The following GRID2 variants were observed in gnomAD, a reference collection of about 807,000 sequenced individuals.
GRID2 encodes glutamate receptor ionotropic, delta-2.
A neutral mutation model predicts 114.8 loss-of-function variants in GRID2; 33 were observed. That is an observed-to-expected ratio of 0.29 (90% CI 0.22 to 0.38). The LOEUF (loss-of-function observed/expected upper bound fraction) is 0.38. Ranked by LOEUF, GRID2 falls within the 10% of genes least tolerant of loss-of-function variation. The pLI, the probability that GRID2 is intolerant of heterozygous loss-of-function variation, is 1.00. For missense variants in GRID2, 1,184 were observed against 1,257.7 expected (o/e 0.94, Z 0.89); for synonymous variants, 505 against 449.9 (o/e 1.12, Z -1.55).
At chr4:92,444,259 T>A (rs1733310223) in intron 1 of GRID2, among the ~76,000 whole-genome samples, 1 of 152,170 alleles carries the variant, frequency 6.6e-6, no homozygotes, top group Non-Finnish European at 1.5e-5. Context: ...GCGACACATC[T>A]GCTTATTTCA....
chr4:93,527,437 C>T (rs534317455), intron 13 of GRID2, among the ~76,000 whole-genome samples: 21 of 152,012 alleles, frequency 1.4e-4, no homozygotes, highest in African/African-American at 5.1e-4. Flanking sequence ...AGTATAAAAC[C>T]ATGCTTATGT....
At chr4:93,587,209 T>G (rs1737631128) in intron 13 of GRID2, among the ~76,000 whole-genome samples, 1 of 152,154 alleles carries the variant, frequency 6.6e-6, no homozygotes, top group Non-Finnish European at 1.5e-5. Flanking sequence ...TAACTATATT[T>G]AAAATTGTAT....
chr4:93,184,841 C>T (rs1740251962), intron 4 of GRID2, among the ~76,000 whole-genome samples: 1 of 152,078 alleles, frequency 6.6e-6, no homozygotes, highest in Non-Finnish European at 1.5e-5. Context: ...AAGATTGCAC[C>T]TCTGCACTCC....
chr4:93,620,413 C>G (rs1029733896), intron 13 of GRID2, among the ~76,000 whole-genome samples: 3 of 152,112 alleles, frequency 2.0e-5, no homozygotes, highest in Non-Finnish European at 1.5e-5. Flanking sequence ...CCTCCCGATT[C>G]AAATCAAAAT....
At chr4:92,672,608 A>G (rs114936499) in intron 2 of GRID2, among the ~76,000 whole-genome samples, 2,234 of 152,180 alleles carry the variant, frequency 0.015, 50 homozygotes, top group African/African-American at 0.051. Context: ...TATTTAATGT[A>G]CTTATTGGCA....
chr4:92,905,921 A>C (rs2149485507), intron 2 of GRID2, among the ~76,000 whole-genome samples: 1 of 152,286 alleles, frequency 6.6e-6, no homozygotes, highest in East Asian at 1.9e-4. Context: ...TTCGCTCTAT[A>C]ATTAAGTCTT....
At chr4:92,773,638 T>G (rs1291023252) in intron 2 of GRID2, among the ~76,000 whole-genome samples, 1 of 151,988 alleles carries the variant, frequency 6.6e-6, no homozygotes, top group African/African-American at 2.4e-5. Context: ...AAAAAATAGT[T>G]AATACCATAA....
chr4:93,771,075 A>G (rs928800294), intron 15 of GRID2, among the ~76,000 whole-genome samples: 7 of 152,172 alleles, frequency 4.6e-5, no homozygotes, highest in African/African-American at 1.7e-4. Flanking sequence ...ATGAAAAAAT[A>G]TTTTCTCCTC....
chr4:93,710,499 C>A (rs904425245), intron 14 of GRID2, among the ~76,000 whole-genome samples: 3 of 152,166 alleles, frequency 2.0e-5, no homozygotes, highest in Admixed American at 2.0e-4. Context: ...GCTGTAGCCA[C>A]CATCACTGGG....
intron 2 of GRID2, among the ~76,000 whole-genome samples, chr4:93,003,608 T>C (rs1721220240): frequency 6.6e-6 from 1 of 151,976 alleles, no homozygotes; most frequent in South Asian, 2.1e-4. Context: ...TCTTCAATCC[T>C]AGTTTATGGA....
Position 92,420,112 on chromosome 4 carries a change from A to G in GRID2, c.88+115368A>G, listed in dbSNP as rs539748272. Among the ~76,000 whole-genome samples, 378 of 152,216 alleles carry G rather than the reference A, an allele frequency of 2.5e-3. 1 individual carries two copies. The highest frequency in any genetic ancestry group is 4.3e-3 in the Non-Finnish European group (292 of 67,970). On this transcript the variant is annotated intron_variant, in intron 1 of 15. Transcript: ENST00000282020. ...TCTTTTAAAAAATTGGTTTCACAAAATGTATCACTGGAAAATTTATTTCCC... is the reference window on the plus strand; with the variant it reads ...TCTTTTAAAAAATTGGTTTCACAAAGTGTATCACTGGAAAATTTATTTCCC...
At chr4:92,645,941 G>A (rs1196381359) in intron 2 of GRID2, among the ~76,000 whole-genome samples, 2 of 151,720 alleles carry the variant, frequency 1.3e-5, no homozygotes, top group Non-Finnish European at 2.9e-5. Context: ...GTCATCTTAT[G>A]TGAAAAACGC....
chr4:92,972,861 G>A (rs1753616162), intron 2 of GRID2, among the ~76,000 whole-genome samples: 1 of 151,986 alleles, frequency 6.6e-6, no homozygotes, highest in African/African-American at 2.4e-5. Flanking sequence ...TGCAATATTT[G>A]GTTTTGCTGT....
At chr4:93,307,477 A>G (rs1039238138) in intron 8 of GRID2, among the ~76,000 whole-genome samples, 4 of 151,464 alleles carry the variant, frequency 2.6e-5, no homozygotes, top group African/African-American at 9.7e-5. Context: ...AGCTTTGTTT[A>G]TTTTTAAATT....
chr4:92,829,718 G>A (rs1741969350), intron 2 of GRID2, among the ~76,000 whole-genome samples: 1 of 152,116 alleles, frequency 6.6e-6, no homozygotes, highest in Non-Finnish European at 1.5e-5. Flanking sequence ...CAAAGAAAAT[G>A]TGGCACATAT....
At chr4:93,687,554 G>T (rs912219294) in intron 14 of GRID2, among the ~76,000 whole-genome samples, 4 of 151,842 alleles carry the variant, frequency 2.6e-5, no homozygotes, top group Non-Finnish European at 5.9e-5. Flanking sequence ...GGAAAACAGT[G>T]GTATAGCACC....
chr4:92,313,594 C>G (rs1725821215), intron 1 of GRID2, among the ~76,000 whole-genome samples: 1 of 151,514 alleles, frequency 6.6e-6, no homozygotes, highest in Non-Finnish European at 1.5e-5. Flanking sequence ...AGTTTGAGTC[C>G]AAGGAGAGCA....
rs369570810 is a variant in GRID2 at position 92,878,143 on chromosome 4, A to G, written c.245-206852A>G. Among the ~76,000 whole-genome samples the G allele has an allele frequency of 8.5e-5, 13 of 152,282 alleles. No homozygotes were observed. In the East Asian group the frequency reaches 2.5e-3, roughly 29 times the overall value. On this transcript the variant is annotated intron_variant, in intron 2 of 15. Transcript: ENST00000282020. ...AGAGTTTTTCAAGAAGCAGTTAGAT[A>G]TCTACTTTCACAGGTTGATTTAACC...
chr4:93,504,642 TA>T (rs2149478182), intron 12 of GRID2, among the ~76,000 whole-genome samples: 1 of 152,208 alleles, frequency 6.6e-6, no homozygotes, highest in African/African-American at 2.4e-5. Flanking sequence ...AATTTCAGTA[TA>T]AACCATCTGT....
Sources: allele counts gnomAD v4.1 joint callset (sites outside exome capture counted in the v4.1 genomes callset), GRCh38; gene constraint gnomAD v4.1.1; transcripts MANE v1.5; gene names NCBI Gene and HGNC (gene_info 2026-07-23, HGNC 2026-07-21).